Variants in ATG7 observed in about 807,000 individuals in gnomAD.
ATG7 encodes the protein ubiquitin-like modifier-activating enzyme ATG7.
Under a neutral mutation model 82.4 loss-of-function variants are expected in ATG7, and 70 were observed. The ratio of observed to expected loss-of-function variants is 0.85; its 90% CI spans 0.70 to 1.04. The LOEUF (loss-of-function observed/expected upper bound fraction) is 1.04, where lower values mean the gene tolerates loss of function less well. ATG7 is among the 50% of genes least tolerant of loss of function. The pLI, the probability that ATG7 is intolerant of heterozygous loss-of-function variation, is 0.00. For missense variants in ATG7, 792 were observed against 864.3 expected (o/e 0.92, Z 1.05); for synonymous variants, 287 against 313.0 (o/e 0.92, Z 0.88).
At chr3:11,451,189 T>A (rs1354577115) in intron 20 of ATG7, among the ~76,000 whole-genome samples, 1 of 147,830 alleles carries the variant, frequency 6.8e-6, no homozygotes, top group Non-Finnish European at 1.5e-5. Flanking sequence ...AAGAACTTGA[T>A]AAAATAGAAG....
the ATG7 span, among the ~76,000 whole-genome samples, chr3:11,571,802 G>T: frequency 6.6e-6 from 1 of 152,094 alleles, no homozygotes; most frequent in Admixed American, 6.5e-5. Context: ...TGTGGCTTGC[G>T]GTCCCAGCGT....
At chr3:11,300,004 A>C (rs1946533927) in intron 5 of ATG7, among the ~76,000 whole-genome samples, 1 of 151,650 alleles carries the variant, frequency 6.6e-6, no homozygotes, top group Admixed American at 6.6e-5. Context: ...AGCCCACTGC[A>C]ACCTCTTCCT....
intron 20 of ATG7, among the ~76,000 whole-genome samples, chr3:11,494,467 A>T (rs1407605085): frequency 6.6e-6 from 1 of 152,220 alleles, no homozygotes; most frequent in African/African-American, 2.4e-5. Flanking sequence ...TTTCTGTGTT[A>T]ATTCAAAAGA....
At chr3:11,573,310 A>AAT in the ATG7 span, among the ~76,000 whole-genome samples, 1 of 12,638 alleles carries the variant, frequency 7.9e-5, no homozygotes, top group Admixed American at 9.5e-4. Context: ...AAAGAAAGGA[A>AAT]GGAAGGAAGA....
intron 20 of ATG7, among the ~76,000 whole-genome samples, chr3:11,543,023 G>GC (rs1461311737): frequency 1.3e-5 from 2 of 152,058 alleles, no homozygotes; most frequent in African/African-American, 4.8e-5. Flanking sequence ...CTGGTCTGCT[G>GC]CCCCCCTCCC....
chr3:11,544,027 T>A (rs1229334297), intron 20 of ATG7, among the ~76,000 whole-genome samples: 1 of 152,214 alleles, frequency 6.6e-6, no homozygotes, highest in Non-Finnish European at 1.5e-5. Context: ...CTTTGTGCAG[T>A]CTGCCTGCTC....
At chr3:11,521,881 C>G (rs2092452632) in intron 20 of ATG7, among the ~76,000 whole-genome samples, 1 of 152,124 alleles carries the variant, frequency 6.6e-6, no homozygotes, top group Non-Finnish European at 1.5e-5. Context: ...GGGGAATTTT[C>G]CTGACATGGA....
chr3:11,484,811 G>A (rs1015841038), intron 20 of ATG7, among the ~76,000 whole-genome samples: 1 of 151,994 alleles, frequency 6.6e-6, no homozygotes, highest in African/African-American at 2.4e-5. Flanking sequence ...TTTTGTTCTT[G>A]CGATAGTTTA....
At chr3:11,524,051 A>T (rs186977324) in intron 20 of ATG7, among the ~76,000 whole-genome samples, 1 of 152,382 alleles carries the variant, frequency 6.6e-6, no homozygotes, top group African/African-American at 2.4e-5. Flanking sequence ...TCAAGTATGT[A>T]GCCCCAGGCC....
intron 11 of ATG7, 103 bp downstream of exon 11, chr3:11,333,196 GA>G: frequency 7.2e-7 from 1 of 1,386,660 alleles, no homozygotes; most frequent in Non-Finnish European, 9.5e-7. Flanking sequence ...GAAAGGAAGA[GA>G]AAAGTACAAC....
At chr3:11,455,919 G>C (rs988756571) in intron 20 of ATG7, among the ~76,000 whole-genome samples, 1 of 152,110 alleles carries the variant, frequency 6.6e-6, no homozygotes, top group African/African-American at 2.4e-5. Flanking sequence ...CAGAAATTCT[G>C]TATCCCTTCT....
intron 14 of ATG7, among the ~76,000 whole-genome samples, chr3:11,352,553 G>A (rs942879186): frequency 1.3e-4 from 20 of 152,148 alleles, no homozygotes; most frequent in African/African-American, 4.6e-4. Context: ...TCTAACTTGT[G>A]TTAGATGGTA....
chr3:11,558,224 TTG>T (rs887715417), downstream of ATG7: 3 of 393,846 alleles, frequency 7.6e-6, no homozygotes, highest in African/African-American at 6.0e-5. Context: ...TCATCATGGC[TTG>T]TGACTGAGAA....
chr3:11,514,035 TA>T (rs1435516561), intron 20 of ATG7, among the ~76,000 whole-genome samples: 2 of 152,202 alleles, frequency 1.3e-5, no homozygotes, highest in Admixed American at 1.3e-4. Flanking sequence ...TATGCCAAGC[TA>T]ATTTTTTTTT....
At chr3:11,275,492 G>A (rs1941552146) in intron 1 of ATG7, among the ~76,000 whole-genome samples, 1 of 149,946 alleles carries the variant, frequency 6.7e-6, no homozygotes, top group South Asian at 2.1e-4. Context: ...GGGACTACAG[G>A]TGCCCACCAC....
rs371358393 is a variant in ATG7 at position 11,405,365 on chromosome 3, G to A, written c.1957-21439G>A. 3.9e-5 allele frequency among the ~76,000 whole-genome samples: 6 copies of A among 152,306 alleles called. No homozygotes were observed. In the South Asian group the frequency reaches 1.0e-3, roughly 26 times the overall value. On this transcript the variant is annotated intron_variant, in intron 19 of 20. Transcript: ENST00000693202. ...GTTCAAGGCTACTATGGAGCTTGAG[G>A]GGGTGAGGCGATGAGAATAGGAGAA... is the stretch of plus-strand genomic sequence containing the variant.
intron 20 of ATG7, among the ~76,000 whole-genome samples, chr3:11,469,148 T>C (rs2087141346): frequency 6.6e-6 from 1 of 152,230 alleles, no homozygotes; most frequent in Admixed American, 6.5e-5. Flanking sequence ...GCTATAGATC[T>C]GGCTTTAAGA....
chr3:11,477,900 G>A (rs2088447579), intron 20 of ATG7, among the ~76,000 whole-genome samples: 1 of 152,178 alleles, frequency 6.6e-6, no homozygotes, highest in Admixed American at 6.5e-5. Context: ...CCTGATATCA[G>A]TAGCCCCAGA....
At chr3:11,568,854 C>A in the ATG7 span, 2 of 1,383,498 alleles carry the variant, frequency 1.4e-6, no homozygotes, top group East Asian at 2.8e-5. The surrounding 1 kb of genome is among the most constrained non-coding windows in gnomAD (Gnocchi z 5.9). Context: ...CGTGCCAGGC[C>A]TATCAGAGCC....
Sources: allele counts gnomAD v4.1 joint callset (sites outside exome capture counted in the v4.1 genomes callset), GRCh38; gene constraint gnomAD v4.1.1; non-coding constraint Gnocchi (gnomAD v3.1); transcripts MANE v1.5; gene names NCBI Gene and HGNC (gene_info 2026-07-23, HGNC 2026-07-21).